The following ENDOV variants were observed in gnomAD, a reference collection of about 807,000 sequenced individuals.
ENDOV encodes the protein hEndoV.
In ENDOV, 37 loss-of-function variants were observed where a neutral mutation model predicts 39.4. That is an observed-to-expected ratio of 0.94 (90% CI 0.72 to 1.23). ENDOV has a LOEUF of 1.23. Ranked by LOEUF, ENDOV falls within the 50% of genes most tolerant of loss-of-function variation. ENDOV has a pLI of 0.00. For missense variants in ENDOV, 441 were observed against 375.7 expected (o/e 1.17, Z -1.44); for synonymous variants, 186 against 163.4 (o/e 1.14, Z -1.05).
chr17:80,421,162 ATCC>A (rs2081965054), intron 2 of ENDOV, among the ~76,000 whole-genome samples: 1 of 151,488 alleles, frequency 6.6e-6, no homozygotes. Flanking sequence ...ATCCCAGGGA[ATCC>A]TCCTATGGAC....
intron 2 of ENDOV, chr17:80,418,327 A>G (rs2081477927): frequency 6.6e-6 from 1 of 152,200 alleles, no homozygotes; most frequent in African/African-American, 2.4e-5. Flanking sequence ...CCTGGCTGCA[A>G]ATTAATCACC....
At chr17:80,433,543 C>T (rs1049817094) in intron 9 of ENDOV, among the ~76,000 whole-genome samples, 1 of 152,272 alleles carries the variant, frequency 6.6e-6, no homozygotes, top group Non-Finnish European at 1.5e-5. Context: ...TGGAGCCAGA[C>T]AGGACCACAC....
At chr17:80,424,870 G>A (rs41299826) in intron 5 of ENDOV, among the ~76,000 whole-genome samples, 162 bp from the exon 6 acceptor site, 2,593 of 152,242 alleles carry the variant, frequency 0.017, 67 homozygotes, top group African/African-American at 0.059. Flanking sequence ...TGGGAGAATC[G>A]CTTGAACACG....
chr17:80,427,621 C>CT, intron 7 of ENDOV: 1 of 1,169,524 alleles, frequency 8.6e-7, no homozygotes, highest in South Asian at 1.6e-5. Context: ...AGGGCTGGCT[C>CT]TGTCTCTCGG....
rs1021579596 is a variant in ENDOV, at chr17:80,436,462, G to C, written c.*319G>C. ...AGACGGTCCCTTCTAGTCCTAATTTGTTAAGTGTTTTTATCCTTAAAGGGT... is the reference window on the plus strand; with the variant it reads ...AGACGGTCCCTTCTAGTCCTAATTTCTTAAGTGTTTTTATCCTTAAAGGGT... On this transcript the variant is annotated 3_prime_UTR_variant, in exon 10 of 10. Coordinates refer to ENST00000518137, the MANE Select transcript of ENDOV (RefSeq NM_173627.5). 5 of 1,003,270 alleles carry C rather than the reference G, an allele frequency of 5.0e-6. No individual in the cohort carries two copies. Among genetic ancestry groups the C allele is most frequent in the Middle Eastern group, 4.1e-4 (1 of 2,466 alleles). The allele number at this position is 1,003,270 out of a possible 1,614,324, so 62.1% of individuals were successfully genotyped here.
chr17:80,421,756 G>T (rs1334723596), intron 2 of ENDOV, 72 bp from the exon 3 acceptor site: 1 of 1,532,654 alleles, frequency 6.5e-7, no homozygotes, highest in Admixed American at 2.0e-5. Flanking sequence ...GGGGGGCAGG[G>T]CATGGACGGA....
intron 8 of ENDOV, among the ~76,000 whole-genome samples, chr17:80,429,062 A>G (rs913162660): frequency 6.6e-6 from 1 of 152,036 alleles, no homozygotes; most frequent in Non-Finnish European, 1.5e-5. Context: ...TGGCGTTTGC[A>G]CTCTTCGAGC....
Position 80,425,619 on chromosome 17 carries a change from A to T in ENDOV, c.713A>T (p.Gln238Leu). ...TTCCGGATCCCAGAGCCCGTGCGCC[A>T]GGTGGGTGTGCTGGGGATGCGGGGA... ...CRFRIPEPVR[Q>L]ADICSREHIR... is the part of the protein sequence containing the mutation. The change falls in exon 7 of 10, where the codon CAG (glutamine) becomes CTG (leucine). Residue 238 changes from glutamine (Q) to leucine (L), a missense_variant and splice_region_variant. By Grantham distance (113) the Gln-to-Leu change is moderately radical. Transcript: ENST00000518137. 6.3e-7 allele frequency: 1 copy of T among 1,580,938 alleles called. No individual in the cohort carries two copies. Among genetic ancestry groups the T allele is most frequent in the African/African-American group, 1.3e-5 (1 of 74,542 alleles).
In ENDOV at chr17:80,415,209, G is replaced by A; in HGVS notation, c.15G>A (p.Ala5=). 9 of 1,613,346 alleles carry A rather than the reference G, an allele frequency of 5.6e-6. No homozygotes were observed. Among genetic ancestry groups the A allele is most frequent in the South Asian group, 3.3e-5 (3 of 91,066 alleles). MALE[A]AGGPPEETLS... is the part of the protein sequence containing the mutation. The stretch of plus-strand genomic sequence containing the variant: ...GGGACGAAGCCATGGCCCTGGAGGC[G>A]GCGGGAGGGCCGCCGGAGGAAACGC... The change falls in exon 1 of 10, where the codon GCG becomes GCA. Residue 5 remains alanine (A), a synonymous_variant. Coordinates refer to ENST00000518137, the MANE Select transcript of ENDOV (RefSeq NM_173627.5).
At chr17:80,430,424 T>G in intron 9 of ENDOV, 1 of 1,429,734 alleles carries the variant, frequency 7.0e-7, no homozygotes, top group South Asian at 1.3e-5. Context: ...CCCTGAGGTT[T>G]ACTTGCAAAA....
Position 80,436,551 on chromosome 17 carries a change from T to A in ENDOV, c.*408T>A, listed in dbSNP as rs2083601806. On this transcript the variant is annotated 3_prime_UTR_variant, in exon 10 of 10. Coordinates refer to ENST00000518137, the MANE Select transcript of ENDOV (RefSeq NM_173627.5). ...AAGATCCTGTGTTCTTCTGTGAATATGAGGTGTTACATTGATTGATTTTCA... is the reference window on the plus strand; with the variant it reads ...AAGATCCTGTGTTCTTCTGTGAATAAGAGGTGTTACATTGATTGATTTTCA... The A allele has an allele frequency of 5.7e-6, 2 of 351,510 alleles. No homozygotes were observed. Among genetic ancestry groups the A allele is most frequent in the Non-Finnish European group, 1.0e-5 (2 of 191,714 alleles). 21.8% of individuals were successfully genotyped at this position (351,510 alleles called of 1,614,324 possible). A position where few individuals can be genotyped will look rare whatever the true frequency, so the allele number is the denominator to read the frequency against.
At chr17:80,433,454 CTG>C (rs1199955455) in intron 9 of ENDOV, among the ~76,000 whole-genome samples, 1 of 152,232 alleles carries the variant, frequency 6.6e-6, no homozygotes, top group Non-Finnish European at 1.5e-5. Context: ...AGGCTCCCAC[CTG>C]AGCTGGCAGC....
chr17:80,426,988 G>C (rs959667313), intron 7 of ENDOV, among the ~76,000 whole-genome samples: 32 of 152,362 alleles, frequency 2.1e-4, no homozygotes, highest in African/African-American at 7.0e-4. Context: ...CGCAGCACCG[G>C]TGGAAAACCC....
chr17:80,426,189 C>T (rs889464779), intron 7 of ENDOV, among the ~76,000 whole-genome samples: 7 of 152,162 alleles, frequency 4.6e-5, no homozygotes, highest in Admixed American at 6.5e-5. Context: ...ACAGCTGGCA[C>T]GAGATGCCCA....
At chr17:80,430,450 A>T in intron 9 of ENDOV, 1 of 1,263,340 alleles carries the variant, frequency 7.9e-7, no homozygotes, top group Non-Finnish European at 1.1e-6. Flanking sequence ...GTTCATTTTT[A>T]AAGCAGGTCC....
rs559753768 is a variant in ENDOV, at chr17:80,415,276, A to T, written c.56+26A>T. ...GTAATGCTGTCAGGCGACGCGCAGG[A>T]GGCGGGGGCCGAGGCCGGGCGGCCC... On this transcript the variant is annotated intron_variant, in intron 1 of 9. Coordinates refer to ENST00000518137, the MANE Select transcript of ENDOV (RefSeq NM_173627.5). The T allele has an allele frequency of 1.4e-4, 219 of 1,612,244 alleles. No homozygotes were observed. In the East Asian group the frequency reaches 4.8e-3, roughly 35 times the overall value.
chr17:80,432,024 G>A (rs951564919), intron 9 of ENDOV, among the ~76,000 whole-genome samples: 3 of 151,996 alleles, frequency 2.0e-5, no homozygotes, highest in Non-Finnish European at 2.9e-5. Flanking sequence ...TGTGAGCCTC[G>A]GGGACAGCCA....
chr17:80,432,123 G>A (rs934412051), intron 9 of ENDOV, among the ~76,000 whole-genome samples: 2 of 152,126 alleles, frequency 1.3e-5, no homozygotes, highest in African/African-American at 4.8e-5. Flanking sequence ...CTGATAAGCC[G>A]AGAGCTGCAG....
intron 6 of ENDOV, 124 bp downstream of exon 6, chr17:80,425,224 T>C: frequency 1.1e-6 from 1 of 890,298 alleles, no homozygotes; most frequent in Non-Finnish European, 1.7e-6. Flanking sequence ...CGCCTGCCCG[T>C]CCATCCATCC....
Sources: allele counts gnomAD v4.1 joint callset (sites outside exome capture counted in the v4.1 genomes callset), GRCh38; gene constraint gnomAD v4.1.1; transcripts MANE v1.5; gene names NCBI Gene and HGNC (gene_info 2026-07-23, HGNC 2026-07-21).